Variants in KRT3 observed in about 807,000 individuals in gnomAD.
KRT3 encodes the protein keratin 3.
In KRT3, 34 loss-of-function variants were observed where a neutral mutation model predicts 45.8. The observed-to-expected ratio is 0.74, with a 90% CI of 0.57 to 0.99. The LOEUF is 0.99. Among genes scored for constraint, KRT3 ranks in the 50% least tolerant of loss-of-function variants. KRT3 has a pLI of 0.00. For synonymous variants in KRT3, 367 were observed against 329.0 expected, an observed-to-expected ratio of 1.12 and a Z score of -1.25; for missense variants, 828 against 820.6, an observed-to-expected ratio of 1.01 and a Z score of -0.11.
chr12:52,793,500 G>A (rs1333685896), intron 2 of KRT3, among the ~76,000 whole-genome samples: 1 of 152,200 alleles, frequency 6.6e-6, no homozygotes, highest in Admixed American at 6.5e-5. Context: ...CATACCATGA[G>A]TTGTCCCAGA....
chr12:52,790,111 C>T lies in KRT3; in HGVS notation c.1818G>A (p.Ser606=), dbSNP rs368606859. 5.1e-5 allele frequency: 79 copies of T among 1,543,564 alleles called. No individual in the cohort carries two copies. Among genetic ancestry groups the T allele is most frequent in the East Asian group, 4.9e-4 (20 of 40,890 alleles). The part of the protein sequence containing the change: ...RYGVSGGGFS[S]ASNRGGSIKF... ...TGATGCTGCCGCCCCGGTTGCTGGC[C>T]GAGCTGAAGCCCCCGCCACTGACTC... The change falls in exon 9 of 9, where the codon TCG becomes TCA. Residue 606 remains serine, a synonymous_variant. Transcript: ENST00000417996.
chr12:52,793,235 A>C lies in KRT3; in HGVS notation c.867-12T>G, dbSNP rs754346531. Reference sequence around the variant, plus strand: ...TTTCATCCTCATATCTGTGTGAATAAAAAAGAAACAGCTGAGTTTGGTTTT... The same window carrying C: ...TTTCATCCTCATATCTGTGTGAATACAAAAGAAACAGCTGAGTTTGGTTTT... On this transcript the variant is annotated splice_polypyrimidine_tract_variant and intron_variant, in intron 2 of 8. Transcript: ENST00000417996. 3.1e-6 allele frequency: 5 copies of C among 1,590,614 alleles called. No homozygotes were observed. In the East Asian group the frequency reaches 1.1e-4, roughly 36 times the overall value.
At position 52,795,527 on chromosome 12, in the gene KRT3, T is replaced by C. The variant is rs1939616947; in HGVS notation, c.516A>G (p.Glu172=). 6.2e-7 allele frequency: 1 copy of C among 1,613,980 alleles called. No individual in the cohort carries two copies. Among genetic ancestry groups the C allele is most frequent in the Admixed American group, 1.7e-5 (1 of 59,998 alleles). Residue 172 remains glutamate (E), a synonymous_variant, in exon 1 of 9, where the codon GAA becomes GAG. Coordinates refer to ENST00000417996, the MANE Select transcript of KRT3 (RefSeq NM_057088.3). ...GPGGFPGGIQ[E]VTINQSLLQP... is the part of the protein sequence containing the mutation. ...GCAGGAGACTCTGGTTGATAGTCAC[T>C]TCCTGAATTCCCCCAGGAAAGCCCC... is the stretch of plus-strand genomic sequence containing the variant.
At position 52,791,824 on chromosome 12, in the gene KRT3, A is replaced by G. The variant is rs1020720450; in HGVS notation, c.1189-8T>C. ...GGTCTGCAGCTCCCCCAACTGCAGA[A>G]CAGAAGGGAAGATGGGGTATTCCTG... is the stretch of plus-strand genomic sequence containing the variant. On this transcript the variant is annotated splice_polypyrimidine_tract_variant and splice_region_variant and intron_variant, in intron 5 of 8. Transcript: ENST00000417996. 2 of 1,612,926 alleles carry G rather than the reference A, an allele frequency of 1.2e-6. No individual in the cohort carries two copies. The highest frequency in any genetic ancestry group is 1.7e-6 in the Non-Finnish European group (2 of 1,179,118).
chr12:52,795,930 G>C lies in KRT3; in HGVS notation c.113C>G (p.Ala38Gly), dbSNP rs374910086. The change falls in exon 1 of 9, where the codon GCT (alanine) becomes GGT (glycine). Residue 38 changes from alanine to glycine, a missense_variant. Physicochemically the swap from Ala to Gly is moderately conservative, Grantham distance 60 (BLOSUM62 0). Transcript: ENST00000417996. ...CCGGAAGCCATAGGCCCCTCCGCCAGCTCCCCCAGAGTGGGCCACACAGCT... is the reference window on the plus strand; with the variant it reads ...CCGGAAGCCATAGGCCCCTCCGCCACCTCCCCCAGAGTGGGCCACACAGCT... ...RMSCVAHSGG[A>G]GGGAYGFRSG... is the part of the protein sequence containing the mutation. 1.4e-5 allele frequency: 22 copies of C among 1,613,992 alleles called. No homozygotes were observed. The African/African-American group carries it at 2.7e-4, about 20-fold the overall frequency.
rs1939440146 is a variant in KRT3 at position 52,789,692 on chromosome 12, C to G, written c.*350G>C. 6.8e-6 allele frequency: 3 copies of G among 440,990 alleles called. No individual in the cohort carries two copies. The highest frequency in any genetic ancestry group is 5.9e-5 in the African/African-American group (3 of 50,944). 27.3% of individuals were successfully genotyped at this position (440,990 alleles called of 1,614,324 possible). ...ATACTCAGAGGCCCGGAGTGAAACA[C>G]AGTGCACTTTATTGGCGACAGACCG... is the stretch of plus-strand genomic sequence containing the variant. On this transcript the variant is annotated 3_prime_UTR_variant, in exon 9 of 9. Coordinates refer to ENST00000417996, the MANE Select transcript of KRT3 (RefSeq NM_057088.3).
rs1565676825 is a variant in KRT3, at chr12:52,790,056, G to GCTGGGAGGA, written c.1864_1872dup (p.Ser622_Gln624dup). ...ATGCGTGCTCTTTATCTGGAGTAGC[G>GCTGGGAGGA]CTGGGAGGACTGGGAGGACTGGGAG... is the stretch of plus-strand genomic sequence containing the variant. On this transcript the variant is annotated inframe_insertion, in exon 9 of 9. Transcript: ENST00000417996. 1.2e-5 allele frequency: 19 copies of GCTGGGAGGA among 1,539,432 alleles called. No individual in the cohort carries two copies. Among genetic ancestry groups the GCTGGGAGGA allele is most frequent in the South Asian group, 3.6e-5 (3 of 84,050 alleles).
rs762989962 is a variant in KRT3, at chr12:52,794,242, G to A, written c.735C>T (p.Asn245=). The A allele has an allele frequency of 1.2e-6, 2 of 1,614,020 alleles. No individual in the cohort carries two copies. Among genetic ancestry groups the A allele is most frequent in the Non-Finnish European group, 1.7e-6 (2 of 1,179,976 alleles). The change falls in exon 2 of 9, where the codon AAC becomes AAT. Residue 245 remains asparagine (N), a synonymous_variant. Coordinates refer to ENST00000417996, the MANE Select transcript of KRT3 (RefSeq NM_057088.3). ...GATTCTCAAAAAGAGGCTCAAGGTT[G>A]TTTGTGCCTGAGATGGAACTTGTGC... ...QQGTSSISGT[N]NLEPLFENHI...
chr12:52,792,158 G>C (rs1939526774), intron 5 of KRT3, 81 bp downstream of exon 5: 2 of 1,208,272 alleles, frequency 1.7e-6, no homozygotes, highest in Non-Finnish European at 2.4e-6. Flanking sequence ...TGACCACTGG[G>C]AACTCACTAC....
At position 52,791,243 on chromosome 12, in the gene KRT3, C is replaced by T. The variant is rs758956038; in HGVS notation, c.1498G>A (p.Ala500Thr). ...CCCTCCAGCAGCTTGCGGTAGGTGG[C>T]GATCTCCACGTCCAGGGCCAGCTTG... ...NVKLALDVEI[A>T]TYRKLLEGEE... The change falls in exon 7 of 9, where the codon GCC (alanine) becomes ACC (threonine). Residue 500 changes from alanine to threonine, a missense_variant. Coordinates refer to ENST00000417996, the MANE Select transcript of KRT3 (RefSeq NM_057088.3). 99 of 1,614,064 alleles carry T rather than the reference C, an allele frequency of 6.1e-5. 2 individuals carry two copies. The highest frequency in any genetic ancestry group is 3.3e-5 in the South Asian group (3 of 91,082).
chr12:52,795,620 A>G lies in KRT3; in HGVS notation c.423T>C (p.Gly141=), dbSNP rs376823412. ...FGGAGGFGGP[G]GFGGSGGFGG... ...CAAAGCCACCAGACCCACCAAAGCC[A>G]CCAGGACCACCAAAGCCACCAGCCC... is the stretch of plus-strand genomic sequence containing the variant. The change falls in exon 1 of 9, where the codon GGT becomes GGC. Residue 141 remains glycine (G), a synonymous_variant. Coordinates refer to ENST00000417996, the MANE Select transcript of KRT3 (RefSeq NM_057088.3). 1 of 1,588,188 alleles carries G rather than the reference A, an allele frequency of 6.3e-7. No homozygotes were observed.
Position 52,791,639 on chromosome 12 carries a change from GC to G in KRT3, c.1314+51del. The G allele has an allele frequency of 1.9e-6, 3 of 1,610,392 alleles. No individual in the cohort carries two copies. The Admixed American group carries it at 5.0e-5, about 27-fold the overall frequency. On this transcript the variant is annotated intron_variant, in intron 6 of 8. Transcript: ENST00000417996. ...CCAGGGGAGGAGTCCTGAGATCCTA[GC>G]CCCTGCCCCTCAGCAATCATCCCAG...
At position 52,795,594 on chromosome 12, in the gene KRT3, C is replaced by A. The variant is rs528639838; in HGVS notation, c.449G>T (p.Gly150Val). 1.2e-5 allele frequency: 19 copies of A among 1,599,216 alleles called. No homozygotes were observed. The highest frequency in any genetic ancestry group is 9.4e-5 in the African/African-American group (7 of 74,502). The change falls in exon 1 of 9, where the codon GGT (glycine) becomes GTT (valine). Residue 150 changes from glycine (G) to valine (V), a missense_variant. Gly to Val is a moderately radical substitution (Grantham distance 109). Coordinates refer to ENST00000417996, the MANE Select transcript of KRT3 (RefSeq NM_057088.3). ...PGGFGGSGGF[G>V]GPGSLGSPGG... ...AGGACTGCCCAAGCTGCCAGGCCCACCAAAGCCACCAGACCCACCAAAGCC... is the reference window on the plus strand; with the variant it reads ...AGGACTGCCCAAGCTGCCAGGCCCAACAAAGCCACCAGACCCACCAAAGCC...
intron 1 of KRT3, 140 bp from the exon 2 acceptor site, chr12:52,794,471 T>G (rs1261928440): frequency 3.1e-6 from 2 of 641,450 alleles, no homozygotes. Context: ...AGGCTCCTAC[T>G]GTAGTCAGAG....
rs1476522055 is a variant in KRT3, at chr12:52,791,269, A to G, written c.1472T>C (p.Val491Ala). The change falls in exon 7 of 9, where the codon GTC (valine) becomes GCC (alanine). Residue 491 changes from valine (V) to alanine (A), a missense_variant. Val to Ala is a moderately conservative substitution (Grantham distance 64). Transcript: ENST00000417996. ...GATCTCCACGTCCAGGGCCAGCTTGACATTCATCAGCTCCTGGTAGTCACG... is the reference window on the plus strand; with the variant it reads ...GATCTCCACGTCCAGGGCCAGCTTGGCATTCATCAGCTCCTGGTAGTCACG... ...LLRDYQELMN[V>A]KLALDVEIAT... The G allele has an allele frequency of 3.1e-6, 5 of 1,614,078 alleles. No individual in the cohort carries two copies. Among genetic ancestry groups the G allele is most frequent in the Admixed American group, 1.7e-5 (1 of 60,014 alleles).
In KRT3 at chr12:52,790,270, G is replaced by T; in HGVS notation, c.1659C>A (p.Gly553=). Residue 553 remains glycine, a synonymous_variant, in exon 9 of 9, where the codon GGC becomes GGA. Coordinates refer to ENST00000417996, the MANE Select transcript of KRT3 (RefSeq NM_057088.3). ...TGCCTGAGCCGCCGCCCGCACTGAA[G>T]CCACCTCCTAAACCACCGCCCATGC... ...GGGMGGGLGG[G]FSAGGGSGSG... is the part of the protein sequence containing the mutation. 1 of 1,552,648 alleles carries T rather than the reference G, an allele frequency of 6.4e-7. No homozygotes were observed. Among genetic ancestry groups the T allele is most frequent in the South Asian group, 1.2e-5 (1 of 84,050 alleles).
At chr12:52,792,527 C>A (rs1376316286) in intron 4 of KRT3, 124 bp from the exon 5 acceptor site, 19 of 1,076,864 alleles carry the variant, frequency 1.8e-5, no homozygotes, top group Non-Finnish European at 2.4e-5. Context: ...ATCAGCCACA[C>A]CCTGTCCGCA....
chr12:52,796,005 C>A lies in KRT3; in HGVS notation c.38G>T (p.Ser13Ile). The A allele has an allele frequency of 6.2e-7, 1 of 1,613,776 alleles. No homozygotes were observed. The highest frequency in any genetic ancestry group is 8.5e-7 in the Non-Finnish European group (1 of 1,179,918). The change falls in exon 1 of 9, where the codon AGC becomes ATC. Residue 13 changes from serine (S) to isoleucine (I), a missense_variant. Transcript: ENST00000417996. Reference protein sequence around the residue: ...RQASKTSGGGSQGFSGRSAVV... With the variant: ...RQASKTSGGGIQGFSGRSAVV... ...AGCAGAGCGGCCGGAGAAACCCTGG[C>A]TCCCGCCACCAGATGTCTTGCTGGC...
Position 52,795,416 on chromosome 12 carries a change from A to C in KRT3, c.627T>G (p.Phe209Leu). The C allele has an allele frequency of 6.2e-7, 1 of 1,614,186 alleles. No homozygotes were observed. The highest frequency in any genetic ancestry group is 8.5e-7 in the Non-Finnish European group (1 of 1,180,030). ...TCATTACCTTGTCAATGAAGGAGGC[A>C]AACTTGTTGTTGAGGGTCTTGATCT... ...REQIKTLNNK[F>L]ASFIDKVRFL... Residue 209 changes from phenylalanine (F) to leucine (L), a missense_variant, in exon 1 of 9, where the codon TTT (phenylalanine) becomes TTG (leucine). Physicochemically the swap from Phe to Leu is conservative, Grantham distance 22. Coordinates refer to ENST00000417996, the MANE Select transcript of KRT3 (RefSeq NM_057088.3).
Sources: gnomAD v4.1 joint callset for allele counts (sites outside exome capture counted in the v4.1 genomes callset) on GRCh38, gnomAD v4.1.1 for gene constraint, MANE v1.5 for transcripts, NCBI Gene and HGNC (gene_info 2026-07-23, HGNC 2026-07-21) for gene names.